Variants in HCN1 observed in about 807,000 individuals in gnomAD.
HCN1 encodes the protein hyperpolarization activated cyclic nucleotide gated potassium channel 1.
A neutral mutation model predicts 78.9 loss-of-function variants in HCN1; 13 were observed. The ratio of observed to expected loss-of-function variants is 0.16; its 90% confidence interval spans 0.11 to 0.26. HCN1 has a LOEUF of 0.26. Ranked by LOEUF, HCN1 falls within the 10% of genes least tolerant of loss-of-function variation. The pLI, the probability that HCN1 is intolerant of heterozygous loss-of-function variation, is 1.00. For synonymous variants in HCN1, 552 were observed against 455.5 expected, an observed-to-expected ratio of 1.21 and a Z score of -2.70; for missense variants, 810 against 1,154.3, an observed-to-expected ratio of 0.70 and a Z score of 4.32.
chr5:45,512,729 A>G (rs1322737773), intron 2 of HCN1, among the ~76,000 whole-genome samples: 1 of 152,050 alleles, frequency 6.6e-6, no homozygotes, highest in Admixed American at 6.6e-5. Context: ...ACATGAGCAC[A>G]CTCTGAATCA....
intron 5 of HCN1, among the ~76,000 whole-genome samples, chr5:45,338,647 C>G (rs969834876): frequency 6.6e-6 from 1 of 152,060 alleles, no homozygotes; most frequent in Non-Finnish European, 1.5e-5. Context: ...CACACCTTTG[C>G]CTAAGTTGAT....
chr5:45,589,904 T>C (rs891856858), intron 2 of HCN1, among the ~76,000 whole-genome samples: 1 of 152,170 alleles, frequency 6.6e-6, no homozygotes. Context: ...ATGGGAACAT[T>C]GGGCACATCT....
chr5:45,329,983 T>G (rs565041976), intron 5 of HCN1, among the ~76,000 whole-genome samples: 1 of 151,386 alleles, frequency 6.6e-6, no homozygotes, highest in Non-Finnish European at 1.5e-5. Flanking sequence ...CAATTACATA[T>G]ATAGATTTTC....
intron 4 of HCN1, among the ~76,000 whole-genome samples, chr5:45,374,536 C>G (rs1747557962): frequency 6.7e-6 from 1 of 149,594 alleles, no homozygotes; most frequent in Non-Finnish European, 1.5e-5. Flanking sequence ...AAGCCCAGGA[C>G]CAGATGGATT....
intron 3 of HCN1, among the ~76,000 whole-genome samples, chr5:45,431,482 G>A (rs1740462458): frequency 6.6e-6 from 1 of 152,040 alleles, no homozygotes; most frequent in Non-Finnish European, 1.5e-5. Flanking sequence ...AATTGCTTTT[G>A]GCATCTTTAT....
intron 2 of HCN1, among the ~76,000 whole-genome samples, chr5:45,605,775 T>C (rs1299492566): frequency 6.6e-6 from 1 of 151,862 alleles, no homozygotes; most frequent in African/African-American, 2.4e-5. Context: ...TTTTAAAGAG[T>C]AGATGTATCA....
intron 3 of HCN1, among the ~76,000 whole-genome samples, chr5:45,418,127 C>G (rs1418259241): frequency 1.3e-5 from 2 of 151,752 alleles, no homozygotes; most frequent in South Asian, 4.2e-4. Context: ...CAAAGGACTA[C>G]AAATTGATTT....
At chr5:45,344,455 T>G (rs769159513) in intron 5 of HCN1, among the ~76,000 whole-genome samples, 1 of 152,090 alleles carries the variant, frequency 6.6e-6, no homozygotes. Context: ...AAGTCAACAG[T>G]GCAAAGTCTC....
intron 5 of HCN1, among the ~76,000 whole-genome samples, chr5:45,313,712 G>A (rs1745911129): frequency 6.6e-6 from 1 of 152,006 alleles, no homozygotes; most frequent in Non-Finnish European, 1.5e-5. Flanking sequence ...GAGAACTAAG[G>A]GACGAATGCA....
chr5:45,374,291 T>C lies in HCN1; in HGVS notation c.1231-21045A>G, dbSNP rs376170148. On this transcript the variant is annotated intron_variant, in intron 4 of 7. Coordinates refer to ENST00000303230, the MANE Select transcript of HCN1 (RefSeq NM_021072.4). ...TATATATTATATACATTATATACAT[T>C]ATATATATTGTATACATTATATACA... Among the ~76,000 whole-genome samples the C allele has an allele frequency of 4.4e-3, 296 of 67,312 alleles. 4 individuals carry two copies. The highest frequency in any genetic ancestry group is 0.03 in the East Asian group (45 of 1,516). 44.2% of individuals were successfully genotyped at this position (67,312 alleles called of 152,430 possible). A position where few individuals can be genotyped will look rare whatever the true frequency, so the allele number is the denominator to read the frequency against.
intron 5 of HCN1, among the ~76,000 whole-genome samples, chr5:45,317,495 T>C (rs980136745): frequency 6.6e-6 from 1 of 152,130 alleles, no homozygotes; most frequent in Non-Finnish European, 1.5e-5. Flanking sequence ...ATTCAGGATA[T>C]AGGAATGGGC....
intron 2 of HCN1, among the ~76,000 whole-genome samples, chr5:45,581,639 T>A (rs1744074913): frequency 2.6e-5 from 4 of 152,112 alleles, no homozygotes; most frequent in Admixed American, 6.6e-5. Context: ...TCTTCTAGGG[T>A]TTTTATGGTA....
At chr5:45,534,376 G>T in intron 2 of HCN1, among the ~76,000 whole-genome samples, 1 of 111,558 alleles carries the variant, frequency 9.0e-6, no homozygotes. Context: ...ATGCATTCCA[G>T]CCTGGGCAAC....
chr5:45,375,919 A>ATATATGATATAATATTTTATCTTATATT (rs1561131965), intron 4 of HCN1, among the ~76,000 whole-genome samples: 2 of 122,330 alleles, frequency 1.6e-5, no homozygotes, highest in African/African-American at 6.6e-5. Flanking sequence ...TATCTTATAT[A>ATATATGATATAATATTTTATCTTATATT]TTATATATGA....
At chr5:45,375,168 T>C (rs1323160069) in intron 4 of HCN1, among the ~76,000 whole-genome samples, 1 of 120,894 alleles carries the variant, frequency 8.3e-6, no homozygotes, top group Non-Finnish European at 1.6e-5. Flanking sequence ...TATAATATAT[T>C]TTATAATATA....
chr5:45,321,193 T>A (rs1037464224), intron 5 of HCN1, among the ~76,000 whole-genome samples: 1 of 152,006 alleles, frequency 6.6e-6, no homozygotes, highest in Non-Finnish European at 1.5e-5. Flanking sequence ...ACATTTGTAA[T>A]TTATTTTGAT....
At chr5:45,294,516 T>C (rs925694871) in intron 6 of HCN1, among the ~76,000 whole-genome samples, 1 of 151,884 alleles carries the variant, frequency 6.6e-6, no homozygotes, top group African/African-American at 2.4e-5. Context: ...ATTAGAACAC[T>C]TTGGCGTGGA....
At chr5:45,283,825 TA>T (rs2111873018) in intron 6 of HCN1, among the ~76,000 whole-genome samples, 1 of 152,236 alleles carries the variant, frequency 6.6e-6, no homozygotes, top group African/African-American at 2.4e-5. Context: ...CATTCTACTA[TA>T]AAGACACATG....
chr5:45,315,022 C>G (rs974163476), intron 5 of HCN1, among the ~76,000 whole-genome samples: 5 of 151,836 alleles, frequency 3.3e-5, no homozygotes, highest in African/African-American at 1.2e-4. Context: ...GAAAGTTAAC[C>G]ATGATATCCA....
Sources: allele counts gnomAD v4.1 joint callset (sites outside exome capture counted in the v4.1 genomes callset), GRCh38; gene constraint gnomAD v4.1.1; transcripts MANE v1.5; gene names NCBI Gene and HGNC (gene_info 2026-07-23, HGNC 2026-07-21).